PRTG: variants seen among roughly 807,000 people sequenced by gnomAD.
PRTG encodes the protein immunoglobulin superfamily, DCC subclass, member 5.
A neutral mutation model predicts 122.5 loss-of-function variants in PRTG; 67 were observed. The ratio of observed to expected loss-of-function variants is 0.55; its 90% CI spans 0.45 to 0.67. PRTG has a LOEUF of 0.67. Ranked by LOEUF, PRTG falls within the 30% of genes least tolerant of loss-of-function variation. The pLI is 0.00. For missense variants in PRTG, 1,435 were observed against 1,415.4 expected (o/e 1.01, Z -0.22); for synonymous variants, 554 against 501.1 (o/e 1.11, Z -1.41).
chr15:55,726,593 T>C (rs1470547958), intron 2 of PRTG, among the ~76,000 whole-genome samples: 5 of 148,582 alleles, frequency 3.4e-5, no homozygotes, highest in East Asian at 2.0e-4. Context: ...GGCTATGCCA[T>C]GCACTCCAGC....
chr15:55,641,909 T>C (rs1208353196), intron 11 of PRTG, among the ~76,000 whole-genome samples: 2 of 151,724 alleles, frequency 1.3e-5, no homozygotes, highest in Non-Finnish European at 2.9e-5. Flanking sequence ...GCGCGGTGGC[T>C]CACGCCTGTA....
intron 2 of PRTG, among the ~76,000 whole-genome samples, chr15:55,704,555 CA>C (rs1222843577): frequency 5.3e-5 from 8 of 152,070 alleles, no homozygotes; most frequent in Admixed American, 5.2e-4. Context: ...ATTGCTTTAT[CA>C]AATCATAAAA....
chr15:55,626,930 C>T (rs1003628252), intron 17 of PRTG, 78 bp downstream of exon 17: 13 of 1,390,450 alleles, frequency 9.3e-6, no homozygotes, highest in Non-Finnish European at 1.3e-5. Context: ...CTAAAAGGCA[C>T]TTGACTTTCA....
intron 15 of PRTG, among the ~76,000 whole-genome samples, chr15:55,631,616 TC>T (rs1352710320): frequency 2.0e-5 from 3 of 152,230 alleles, no homozygotes; most frequent in African/African-American, 7.2e-5. Flanking sequence ...TGTGATTATT[TC>T]CGTCTCCTGC....
intron 2 of PRTG, chr15:55,738,415 A>G: frequency 1.5e-6 from 1 of 688,992 alleles, no homozygotes; most frequent in Non-Finnish European, 2.6e-6. Context: ...GCTTCTCAGG[A>G]GGTCCTGGAA....
intron 2 of PRTG, among the ~76,000 whole-genome samples, chr15:55,723,629 T>C (rs2030911650): frequency 6.6e-6 from 1 of 151,890 alleles, no homozygotes; most frequent in Non-Finnish European, 1.5e-5. Flanking sequence ...CACATAGAAA[T>C]ACATTTATAA....
chr15:55,713,077 C>CCT (rs1205679125), intron 2 of PRTG, among the ~76,000 whole-genome samples: 1 of 152,088 alleles, frequency 6.6e-6, no homozygotes, highest in Non-Finnish European at 1.5e-5. Flanking sequence ...CCCTTGTATA[C>CCT]CTCTCTCTGA....
chr15:55,659,234 A>G (rs12438177), intron 11 of PRTG, among the ~76,000 whole-genome samples: 81,636 of 152,084 alleles, frequency 0.54, 22,991 homozygotes, highest in Middle Eastern at 0.69. Flanking sequence ...TCAATAAACT[A>G]TGTCAGGATG....
Position 55,680,575 on chromosome 15 carries a change from T to C in PRTG, c.730A>G (p.Ile244Val), listed in dbSNP as rs2059532285. 4 of 1,597,470 alleles carry C rather than the reference T, an allele frequency of 2.5e-6. No individual in the cohort carries two copies. The highest frequency in any genetic ancestry group is 3.4e-6 in the Non-Finnish European group (4 of 1,171,164). Residue 244 changes from isoleucine to valine, a missense_variant, in exon 5 of 20, where the codon ATA becomes GTA. Physicochemically the swap from Ile to Val is conservative, Grantham distance 29. Coordinates refer to ENST00000389286, the MANE Select transcript of PRTG (RefSeq NM_173814.6). ...TPTIIAGPQNITTSLHQTVVL... is the reference protein window; with the variant it reads ...TPTIIAGPQNVTTSLHQTVVL... Reference sequence around the variant, plus strand: ...ACAGTCTGATGAAGAGATGTTGTTATGTTCTGTGGACCTGCTATAATTGTT... The same window carrying C: ...ACAGTCTGATGAAGAGATGTTGTTACGTTCTGTGGACCTGCTATAATTGTT...
intron 2 of PRTG, among the ~76,000 whole-genome samples, chr15:55,700,651 T>A (rs557365542): frequency 6.6e-6 from 1 of 152,130 alleles, no homozygotes; most frequent in East Asian, 1.9e-4. Flanking sequence ...TGTGGCAGTG[T>A]GTGCCTGCGC....
At chr15:55,668,260 T>C (rs1347176362) in intron 11 of PRTG, among the ~76,000 whole-genome samples, 3 of 152,216 alleles carry the variant, frequency 2.0e-5, no homozygotes, top group South Asian at 2.1e-4. Context: ...GTGTCCTAAA[T>C]GTTAAACAAC....
chr15:55,741,118 C>A (rs1229568221), intron 1 of PRTG, among the ~76,000 whole-genome samples: 3 of 152,170 alleles, frequency 2.0e-5, no homozygotes, highest in Non-Finnish European at 4.4e-5. Context: ...TTTCCTTGTC[C>A]CTTGAAGTGT....
intron 11 of PRTG, among the ~76,000 whole-genome samples, chr15:55,656,628 C>G (rs2059381761): frequency 6.6e-6 from 1 of 152,168 alleles, no homozygotes; most frequent in Non-Finnish European, 1.5e-5. Context: ...TTGCCTCAGC[C>G]TCCCAAGTAG....
chr15:55,672,670 C>G, intron 10 of PRTG, 37 bp from the exon 11 acceptor site: 1 of 1,509,876 alleles, frequency 6.6e-7, no homozygotes. Context: ...GTATAAACAA[C>G]CCAATATCCA....
chr15:55,646,627 T>C (rs1264723658), intron 11 of PRTG, among the ~76,000 whole-genome samples: 1 of 152,148 alleles, frequency 6.6e-6, no homozygotes, highest in Non-Finnish European at 1.5e-5. Flanking sequence ...CGGCTGTCAC[T>C]CCTCAATTCT....
intron 2 of PRTG, among the ~76,000 whole-genome samples, chr15:55,721,990 C>A (rs1403148396): frequency 1.3e-5 from 2 of 152,176 alleles, no homozygotes; most frequent in African/African-American, 4.8e-5. Flanking sequence ...GGTGAGAACA[C>A]AGCCAAACCA....
intron 17 of PRTG, among the ~76,000 whole-genome samples, chr15:55,626,415 A>ATAAAAGAAAAGAAAAAAG (rs1437488221): frequency 6.6e-6 from 1 of 151,148 alleles, no homozygotes; most frequent in Admixed American, 6.6e-5. Context: ...TCTCAAAAAA[A>ATAAAAGAAAAGAAAAAAG]AAAAAAAGGA....
At chr15:55,719,005 A>G (rs2030710255) in intron 2 of PRTG, among the ~76,000 whole-genome samples, 1 of 152,148 alleles carries the variant, frequency 6.6e-6, no homozygotes, top group Non-Finnish European at 1.5e-5. Context: ...TCAGCCTCCC[A>G]AAGTGTTAGG....
At position 55,674,416 on chromosome 15, in the gene PRTG, T is replaced by C. The variant is rs77592550; in HGVS notation, c.1547-740A>G. Among the ~76,000 whole-genome samples the C allele has an allele frequency of 5.0e-3, 760 of 152,282 alleles. 11 individuals carry two copies. Among genetic ancestry groups the C allele is most frequent in the African/African-American group, 0.018 (736 of 41,568 alleles). Reference sequence around the variant, plus strand: ...CTAAGACTCACTTTCTTCAAGGATATAGAGGGAGAACAGACCTCACACACA... The same window carrying C: ...CTAAGACTCACTTTCTTCAAGGATACAGAGGGAGAACAGACCTCACACACA... On this transcript the variant is annotated intron_variant, in intron 9 of 19. Coordinates refer to ENST00000389286, the MANE Select transcript of PRTG (RefSeq NM_173814.6).
Sources: gnomAD v4.1 joint callset for allele counts (sites outside exome capture counted in the v4.1 genomes callset) on GRCh38, gnomAD v4.1.1 for gene constraint, MANE v1.5 for transcripts, NCBI Gene and HGNC (gene_info 2026-07-23, HGNC 2026-07-21) for gene names.